MBNL2: variants seen among roughly 807,000 people sequenced by gnomAD.
MBNL2 encodes muscleblind-like protein 2.
MBNL2 carries 17 observed loss-of-function variants against 41.9 expected under a neutral mutation model. The ratio of observed to expected loss-of-function variants is 0.41; its 90% CI spans 0.28 to 0.61. The LOEUF (loss-of-function observed/expected upper bound fraction) is 0.61. Among genes scored for constraint, MBNL2 ranks in the 20% least tolerant of loss-of-function variants. MBNL2 has a pLI of 0.35. For synonymous variants in MBNL2, 195 were observed against 182.9 expected (o/e 1.07, Z -0.53); for missense variants, 336 against 505.6 (o/e 0.66, Z 3.22).
chr13:97,168,259 C>T, the MBNL2 span, among the ~76,000 whole-genome samples: 212 of 152,238 alleles, frequency 1.4e-3, 2 homozygotes, highest in African/African-American at 4.8e-3. Context: ...CCACCATGCC[C>T]GGCCTTGCGT....
chr13:97,167,147 A>G, the MBNL2 span, among the ~76,000 whole-genome samples: 3 of 152,226 alleles, frequency 2.0e-5, no homozygotes, highest in Non-Finnish European at 4.4e-5. Flanking sequence ...CTGCTTGTCT[A>G]TATTGAGAAT....
intron 7 of MBNL2, 105 bp from the exon 8 acceptor site, chr13:97,365,031 T>A: frequency 2.5e-6 from 2 of 805,672 alleles, no homozygotes; most frequent in Non-Finnish European, 4.5e-6. Context: ...CTAACCCTAC[T>A]TATTTCTGGT....
chr13:97,211,849 C>T, the MBNL2 span, among the ~76,000 whole-genome samples: 3 of 152,116 alleles, frequency 2.0e-5, no homozygotes, highest in African/African-American at 7.2e-5. Flanking sequence ...ATAGGCAGAA[C>T]ATTTTACGTA....
At chr13:97,173,428 T>C in the MBNL2 span, among the ~76,000 whole-genome samples, 1 of 152,218 alleles carries the variant, frequency 6.6e-6, no homozygotes. Flanking sequence ...AAGGACTTAG[T>C]GCACAAATGA....
At chr13:97,174,624 A>G in the MBNL2 span, among the ~76,000 whole-genome samples, 1 of 152,234 alleles carries the variant, frequency 6.6e-6, no homozygotes, top group African/African-American at 2.4e-5. Flanking sequence ...GATCAAAGGC[A>G]AATAGGTATT....
intron 2 of MBNL2, among the ~76,000 whole-genome samples, chr13:97,327,154 T>C (rs2059967820): frequency 1.3e-5 from 2 of 152,186 alleles, no homozygotes; most frequent in Admixed American, 6.5e-5. Context: ...CAGAGGTCTG[T>C]TTGATCGAAA....
intron 1 of MBNL2, among the ~76,000 whole-genome samples, chr13:97,238,871 T>C (rs937829656): frequency 5.3e-5 from 8 of 152,000 alleles, no homozygotes; most frequent in African/African-American, 1.9e-4. Context: ...TGGGAAAAAA[T>C]GGTTTTTGAA....
the MBNL2 span, among the ~76,000 whole-genome samples, chr13:97,144,861 T>C: frequency 6.6e-6 from 1 of 152,136 alleles, no homozygotes; most frequent in Admixed American, 6.6e-5. Context: ...GGAAAGAACA[T>C]TAGAAGCAAA....
chr13:97,346,760 G>A lies in MBNL2; in HGVS notation c.541-44G>A, dbSNP rs1280127564. ...TGGCCGGGGCCGCAGGGGCGCCTGGGCTCAGGCTTGCCTCTGCAGCGCGGC... is the reference window on the plus strand; with the variant it reads ...TGGCCGGGGCCGCAGGGGCGCCTGGACTCAGGCTTGCCTCTGCAGCGCGGC... On this transcript the variant is annotated intron_variant, in intron 4 of 8. Transcript: ENST00000679496. The surrounding 1 kb of genome is among the most constrained non-coding windows in gnomAD (Gnocchi z 4.2). 6.3e-7 allele frequency: 1 copy of A among 1,588,202 alleles called. No individual in the cohort carries two copies. Among genetic ancestry groups the A allele is most frequent in the Non-Finnish European group, 8.6e-7 (1 of 1,163,756 alleles).
At chr13:97,239,136 T>G (rs1057103746) in intron 1 of MBNL2, among the ~76,000 whole-genome samples, 7 of 152,234 alleles carry the variant, frequency 4.6e-5, no homozygotes, top group Non-Finnish European at 8.8e-5. Context: ...AGACTGCTGC[T>G]TCTTTCTAAA....
intron 1 of MBNL2, among the ~76,000 whole-genome samples, chr13:97,260,702 A>G (rs894776317): frequency 4.6e-5 from 7 of 152,314 alleles, no homozygotes; most frequent in Non-Finnish European, 7.4e-5. Context: ...TTTTAAAGCC[A>G]TAAAACTGTA....
intron 8 of MBNL2, among the ~76,000 whole-genome samples, chr13:97,365,849 G>A (rs920929798): frequency 8.5e-5 from 13 of 152,052 alleles, no homozygotes; most frequent in Admixed American, 4.6e-4. Context: ...ATTTTGCCTG[G>A]CTATTTCAGA....
chr13:97,232,884 TGTGTGTGC>T (rs961350825), intron 1 of MBNL2, among the ~76,000 whole-genome samples: 17 of 146,904 alleles, frequency 1.2e-4, no homozygotes, highest in Non-Finnish European at 2.3e-4. Context: ...TGTGTGTGTG[TGTGTGTGC>T]GCACGTACAC....
intron 7 of MBNL2, 67 bp downstream of exon 7, chr13:97,357,702 G>A: frequency 6.7e-7 from 1 of 1,488,760 alleles, no homozygotes; most frequent in Non-Finnish European, 9.3e-7. Context: ...ATTTCTCTAA[G>A]CTGTTTGGTG....
chr13:97,315,771 AATGTGGAAGGCCTTGCTCATGGGTGAGG>A (rs2058990162), intron 2 of MBNL2, among the ~76,000 whole-genome samples: 2 of 152,020 alleles, frequency 1.3e-5, no homozygotes, highest in Non-Finnish European at 2.9e-5. Flanking sequence ...ACTCTCTGGC[AATGTGGAAGGCCTTGCTCATGGGTGAGG>A]ATGTGGAAGG....
Position 97,334,286 on chromosome 13 carries a change from C to G in MBNL2, c.185C>G (p.Ser62Trp). ...ACFDSLKGRC[S>W]RENCKYLHPP... ...CACTTGTTTTTACAGGGCCGTTGTT[C>G]GAGAGAGAACTGCAAGTATCTTCAC... The change falls in exon 3 of 9, where the codon TCG becomes TGG. Residue 62 changes from serine to tryptophan, a missense_variant. Physicochemically the swap from Ser to Trp is radical, Grantham distance 177. Coordinates refer to ENST00000679496, the MANE Select transcript of MBNL2 (RefSeq NM_001382683.1). The surrounding 1 kb of genome is among the most constrained non-coding windows in gnomAD (Gnocchi z 5.3). 6.2e-7 allele frequency: 1 copy of G among 1,609,154 alleles called. No individual in the cohort carries two copies. Among genetic ancestry groups the G allele is most frequent in the Non-Finnish European group, 8.5e-7 (1 of 1,178,226 alleles).
At chr13:97,358,539 A>G (rs1382823091) in intron 7 of MBNL2, among the ~76,000 whole-genome samples, 1 of 152,180 alleles carries the variant, frequency 6.6e-6, no homozygotes, top group Admixed American at 6.5e-5. Context: ...ACAAAAGTAT[A>G]AATCATGTCA....
At chr13:97,315,961 C>G (rs1383276118) in intron 2 of MBNL2, among the ~76,000 whole-genome samples, 1 of 152,154 alleles carries the variant, frequency 6.6e-6, no homozygotes, top group Non-Finnish European at 1.5e-5. Context: ...ATGGCCATAA[C>G]CAAGGGTTTG....
intron 2 of MBNL2, among the ~76,000 whole-genome samples, chr13:97,286,149 T>C (rs1162436901): frequency 6.6e-6 from 1 of 152,228 alleles, no homozygotes; most frequent in Admixed American, 6.5e-5. Context: ...GTCTTATGTA[T>C]TCAACTGCTT....
Sources: gnomAD v4.1 joint callset for allele counts (sites outside exome capture counted in the v4.1 genomes callset) on GRCh38, gnomAD v4.1.1 for gene constraint, Gnocchi (gnomAD v3.1) non-coding constraint, MANE v1.5 for transcripts, NCBI Gene and HGNC (gene_info 2026-07-23, HGNC 2026-07-21) for gene names.